The following CASR variants were observed in gnomAD, a reference collection of about 807,000 sequenced individuals.
CASR encodes the protein extracellular calcium-sensing receptor.
Under a neutral mutation model 69.1 loss-of-function variants are expected in CASR, and 23 were observed. The observed-to-expected ratio is 0.33, with a 90% CI of 0.24 to 0.47. The LOEUF is 0.47. Ranked by LOEUF, CASR falls within the 20% of genes least tolerant of loss-of-function variation. CASR has a pLI of 1.00. For synonymous variants in CASR, 541 were observed against 544.7 expected, an observed-to-expected ratio of 0.99 and a Z score of 0.10; for missense variants, 924 against 1,356.1, an observed-to-expected ratio of 0.68 and a Z score of 5.00.
chr3:122,259,886 T>A (rs910804575), intron 3 of CASR, among the ~76,000 whole-genome samples: 3 of 152,128 alleles, frequency 2.0e-5, no homozygotes, highest in Middle Eastern at 3.2e-3. Flanking sequence ...CATGGAAAAT[T>A]AATTGTTTTA....
chr3:122,261,517 G>T lies in CASR; in HGVS notation c.493-11G>T, dbSNP rs200769140. On this transcript the variant is annotated splice_polypyrimidine_tract_variant and intron_variant, in intron 3 of 6. Coordinates refer to ENST00000639785, the MANE Select transcript of CASR (RefSeq NM_000388.4). ...CACTCACTCATTCACCATGTTCTTGGTTCTCTCCAGGTCAGTTATGCCTCC... is the reference window on the plus strand; with the variant it reads ...CACTCACTCATTCACCATGTTCTTGTTTCTCTCCAGGTCAGTTATGCCTCC... The T allele has an allele frequency of 6.2e-7, 1 of 1,613,764 alleles. No homozygotes were observed.
chr3:122,238,251 A>G (rs2074348037), intron 1 of CASR, among the ~76,000 whole-genome samples: 2 of 152,068 alleles, frequency 1.3e-5, no homozygotes, highest in Non-Finnish European at 1.5e-5. Flanking sequence ...CATTTTGGGG[A>G]AGGAGAGCAC....
intron 4 of CASR, among the ~76,000 whole-genome samples, chr3:122,264,520 G>A (rs1408980204): frequency 2.0e-5 from 3 of 152,220 alleles, no homozygotes; most frequent in Admixed American, 1.3e-4. Flanking sequence ...GGAAGAAATA[G>A]AAGCAAAGCA....
At chr3:122,184,784 G>A (rs879555260) in intron 1 of CASR, among the ~76,000 whole-genome samples, 4 of 152,250 alleles carry the variant, frequency 2.6e-5, no homozygotes, top group Admixed American at 1.3e-4. Context: ...ATGAACGGGA[G>A]CGCGCACCAA....
At chr3:122,257,476 C>T (rs2074568585) in intron 3 of CASR, 89 bp downstream of exon 3, 5 of 903,286 alleles carry the variant, frequency 5.5e-6, no homozygotes, top group Non-Finnish European at 8.7e-6. Context: ...TACGGTTTAC[C>T]ATATTCCCAT....
chr3:122,272,080 C>A (rs1308348111), intron 4 of CASR, among the ~76,000 whole-genome samples: 4 of 123,174 alleles, frequency 3.2e-5, no homozygotes, highest in African/African-American at 1.2e-4. Context: ...ATTTTCATTT[C>A]TCCTAGGAAT....
At position 122,284,896 on chromosome 3, in the gene CASR, A is replaced by G. The variant is rs766653315; in HGVS notation, c.2942A>G (p.Glu981Gly). 13 of 1,614,068 alleles carry G rather than the reference A, an allele frequency of 8.1e-6. No individual in the cohort carries two copies. Among genetic ancestry groups the G allele is most frequent in the Non-Finnish European group, 1.1e-5 (13 of 1,180,026 alleles). Residue 981 changes from glutamate (E) to glycine (G), a missense_variant, in exon 7 of 7, where the codon GAG becomes GGG. By Grantham distance (98) the Glu-to-Gly change is moderately conservative. Around this residue, in one of 8 missense-constraint regions of CASR, gnomAD observed 201 missense variants for 228.8 expected, o/e 0.88. Coordinates refer to ENST00000639785, the MANE Select transcript of CASR (RefSeq NM_000388.4). ...GTCACCTTCTCACTGAGCTTTGATG[A>G]GCCTCAGAAGAACGCCATGGCCCAC... is the stretch of plus-strand genomic sequence containing the variant. ...GTVTFSLSFD[E>G]PQKNAMAHRN...
intron 1 of CASR, among the ~76,000 whole-genome samples, chr3:122,237,942 C>A (rs1427946685): frequency 6.6e-6 from 1 of 152,198 alleles, no homozygotes; most frequent in Non-Finnish European, 1.5e-5. Flanking sequence ...ATATATTCAA[C>A]ATACATTCAC....
chr3:122,226,607 C>A (rs2074225421), intron 1 of CASR, among the ~76,000 whole-genome samples: 1 of 151,892 alleles, frequency 6.6e-6, no homozygotes, highest in East Asian at 1.9e-4. Flanking sequence ...TGGTGCTTTA[C>A]AATCCCTGAG....
intron 3 of CASR, 28 bp downstream of exon 3, chr3:122,257,415 T>G (rs1157832240): frequency 1.3e-6 from 2 of 1,570,608 alleles, no homozygotes; most frequent in Non-Finnish European, 8.7e-7. Flanking sequence ...GGCGGGGCAC[T>G]GGGAGCAGGA....
At chr3:122,225,775 T>G (rs1399157069) in intron 1 of CASR, among the ~76,000 whole-genome samples, 1 of 152,226 alleles carries the variant, frequency 6.6e-6, no homozygotes, top group African/African-American at 2.4e-5. Context: ...TATGCACTCA[T>G]ATGTTCATTG....
intron 1 of CASR, among the ~76,000 whole-genome samples, chr3:122,213,983 T>C (rs1280161625): frequency 2.0e-5 from 3 of 152,234 alleles, no homozygotes; most frequent in Admixed American, 1.3e-4. Context: ...TCTGCCCATG[T>C]TTAGCTCCTC....
intron 1 of CASR, among the ~76,000 whole-genome samples, chr3:122,238,654 A>C (rs999779976): frequency 2.6e-5 from 4 of 152,196 alleles, no homozygotes; most frequent in Non-Finnish European, 5.9e-5. Flanking sequence ...GCTCACAGCA[A>C]CTAAAGTGAC....
chr3:122,208,276 A>C (rs1249689971), intron 1 of CASR, among the ~76,000 whole-genome samples: 1 of 152,160 alleles, frequency 6.6e-6, no homozygotes, highest in African/African-American at 2.4e-5. Context: ...AGCTGGGCTC[A>C]AGTGATTCTC....
intron 2 of CASR, among the ~76,000 whole-genome samples, chr3:122,256,399 C>A (rs1485014991): frequency 6.6e-6 from 1 of 152,116 alleles, no homozygotes; most frequent in Non-Finnish European, 1.5e-5. Flanking sequence ...ATTTAAGTAC[C>A]TCATATCAGC....
intron 1 of CASR, among the ~76,000 whole-genome samples, chr3:122,225,217 G>C (rs2044833499): frequency 6.6e-6 from 1 of 151,294 alleles, no homozygotes; most frequent in South Asian, 2.1e-4. Flanking sequence ...ATTGATGAGA[G>C]AGACCTAATT....
intron 1 of CASR, among the ~76,000 whole-genome samples, chr3:122,197,953 G>A (rs1182215357): frequency 6.6e-6 from 1 of 151,898 alleles, no homozygotes; most frequent in Non-Finnish European, 1.5e-5. Flanking sequence ...CTTTGATTTG[G>A]GCCTTCCCTG....
intron 1 of CASR, among the ~76,000 whole-genome samples, chr3:122,230,061 C>G (rs865774737): frequency 6.6e-6 from 1 of 152,170 alleles, no homozygotes; most frequent in Non-Finnish European, 1.5e-5. Flanking sequence ...TCTGAGATGC[C>G]TTCTTGGCCC....
chr3:122,265,131 C>A (rs777506643), intron 4 of CASR, among the ~76,000 whole-genome samples: 3 of 152,342 alleles, frequency 2.0e-5, no homozygotes, highest in East Asian at 1.9e-4. Flanking sequence ...CCCTGGAAGT[C>A]TTTTCAAATC....
Sources: gnomAD v4.1 joint callset for allele counts (sites outside exome capture counted in the v4.1 genomes callset) on GRCh38, gnomAD v4.1.1 for gene constraint, gnomAD v4.1.1 regional missense constraint, MANE v1.5 for transcripts, NCBI Gene and HGNC (gene_info 2026-07-23, HGNC 2026-07-21) for gene names.